The following SLC30A9 variants were observed in gnomAD, a reference collection of about 807,000 sequenced individuals.
The protein encoded by SLC30A9 is solute carrier family 30 member 9.
Under a neutral mutation model 87.5 loss-of-function variants are expected in SLC30A9, and 58 were observed. The observed-to-expected ratio is 0.66, with a 90% CI of 0.54 to 0.82. The LOEUF (loss-of-function observed/expected upper bound fraction) is 0.82, where lower values mean the gene tolerates loss of function less well. Among genes scored for constraint, SLC30A9 ranks in the 40% least tolerant of loss-of-function variants. SLC30A9 has a pLI of 0.00. For synonymous variants in SLC30A9, 234 were observed against 233.0 expected, an observed-to-expected ratio of 1.00 and a Z score of -0.04; for missense variants, 557 against 679.1, an observed-to-expected ratio of 0.82 and a Z score of 2.00.
rs1026034744 is a variant in SLC30A9 at position 42,035,413 on chromosome 4, A to G, written c.669+80A>G. Reference sequence around the variant, plus strand: ...TATCAGTCCATTGTAAAATTCTAGCATGTCTGTGATCTCAATCTAAGATTT... The same window carrying G: ...TATCAGTCCATTGTAAAATTCTAGCGTGTCTGTGATCTCAATCTAAGATTT... On this transcript the variant is annotated intron_variant, in intron 7 of 17. Coordinates refer to ENST00000264451, the MANE Select transcript of SLC30A9 (RefSeq NM_006345.4). The G allele has an allele frequency of 6.1e-6, 9 of 1,485,780 alleles. No homozygotes were observed. The South Asian group carries it at 7.3e-5, about 12-fold the overall frequency. 92.0% of individuals were successfully genotyped at this position (1,485,780 alleles called of 1,614,324 possible).
Position 42,066,539 on chromosome 4 carries a change from T to C in SLC30A9, c.1073-11T>C. 1 of 1,588,656 alleles carries C rather than the reference T, an allele frequency of 6.3e-7. No homozygotes were observed. Among genetic ancestry groups the C allele is most frequent in the Non-Finnish European group, 8.6e-7 (1 of 1,163,418 alleles). On this transcript the variant is annotated splice_polypyrimidine_tract_variant and intron_variant, in intron 12 of 17. Coordinates refer to ENST00000264451, the MANE Select transcript of SLC30A9 (RefSeq NM_006345.4). ...GTTTCTGTCTTGCTGATATGAATGC[T>C]TTTCTTTTAGCAACACTTCTTGTTG... is the stretch of plus-strand genomic sequence containing the variant.
At chr4:42,044,386 C>CAAAAAAAAAAAAAAAA (rs57572080) in intron 8 of SLC30A9, among the ~76,000 whole-genome samples, 18 of 98,706 alleles carry the variant, frequency 1.8e-4, no homozygotes, top group African/African-American at 7.5e-4. Flanking sequence ...AAATGGAAAG[C>CAAAAAAAAAAAAAAAA]AAAAAAAAAA....
chr4:42,048,926 G>C lies in SLC30A9; in HGVS notation c.738-451G>C, dbSNP rs79834176. 6.4e-3 allele frequency among the ~76,000 whole-genome samples: 967 copies of C among 151,970 alleles called. 15 individuals carry two copies. Among genetic ancestry groups the C allele is most frequent in the African/African-American group, 0.022 (930 of 41,438 alleles). On this transcript the variant is annotated intron_variant, in intron 8 of 17. Transcript: ENST00000264451. ...TGTTACCTAAACAAAGTTTTTTAAGGCTAGGGATTCTTTTAATTGTACTTG... is the reference window on the plus strand; with the variant it reads ...TGTTACCTAAACAAAGTTTTTTAAGCCTAGGGATTCTTTTAATTGTACTTG...
chr4:42,078,325 A>AAAACGAAATCCTGAAGTTCGACAT lies in SLC30A9; in HGVS notation c.1662_1662+1insAAACGAAATCCTGAAGTTCGACAT (p.Arg561_His562insHisLysArgAsnProGluValArg). 7.2e-7 allele frequency: 1 copy of AAAACGAAATCCTGAAGTTCGACAT among 1,382,630 alleles called. No individual in the cohort carries two copies. Among genetic ancestry groups the AAAACGAAATCCTGAAGTTCGACAT allele is most frequent in the Non-Finnish European group, 1.0e-6 (1 of 983,806 alleles). 85.6% of individuals were successfully genotyped at this position (1,382,630 alleles called of 1,614,324 possible). A position where few individuals can be genotyped will look rare whatever the true frequency, so the allele number is the denominator to read the frequency against. On this transcript the variant is annotated inframe_insertion and splice_region_variant. Transcript: ENST00000264451. ...TAGATAGACTTGAGAAGGAACTGAA[A>AAAACGAAATCCTGAAGTTCGACAT]GTAAGATGTATTCATAAAAATAACA...
At chr4:41,999,330 T>C (rs1268553580) in intron 1 of SLC30A9, among the ~76,000 whole-genome samples, 1 of 152,216 alleles carries the variant, frequency 6.6e-6, no homozygotes, top group East Asian at 1.9e-4. Context: ...TGTAGAAATA[T>C]TCTGAGTAGT....
chr4:42,029,313 C>A (rs1716321102), intron 6 of SLC30A9: 3 of 506,832 alleles, frequency 5.9e-6, no homozygotes, highest in South Asian at 3.2e-5. Flanking sequence ...GGTTTAAGAT[C>A]ATTCTATTCT....
At chr4:42,003,277 G>GA (rs1715062325) in intron 2 of SLC30A9, among the ~76,000 whole-genome samples, 1 of 152,134 alleles carries the variant, frequency 6.6e-6, no homozygotes, top group Non-Finnish European at 1.5e-5. Flanking sequence ...TCCTGTGCTT[G>GA]AAAATAATGT....
chr4:42,076,208 T>A (rs2153141081), intron 16 of SLC30A9, among the ~76,000 whole-genome samples: 1 of 152,224 alleles, frequency 6.6e-6, no homozygotes, highest in African/African-American at 2.4e-5. Flanking sequence ...AAAAGAGAAT[T>A]TATAAAACAG....
At position 42,087,130 on chromosome 4, in the gene SLC30A9, T is replaced by C. The variant is rs1453864132; in HGVS notation, c.*1004T>C. ...CTCATGGTCATGATTTTGTATAATA[T>C]AGTTCATACTGTGTCTGTGAGTTTC... On this transcript the variant is annotated 3_prime_UTR_variant, in exon 18 of 18. Transcript: ENST00000264451. 2 of 152,302 alleles carry C rather than the reference T, an allele frequency of 1.3e-5. No individual in the cohort carries two copies. Among genetic ancestry groups the C allele is most frequent in the Middle Eastern group, 3.4e-3 (1 of 294 alleles). The allele number at this position is 152,302 out of a possible 1,614,324, so 9.4% of individuals were successfully genotyped here.
chr4:42,012,084 A>T (rs2153134237), intron 2 of SLC30A9, among the ~76,000 whole-genome samples: 1 of 152,326 alleles, frequency 6.6e-6, no homozygotes, highest in East Asian at 1.9e-4. Context: ...AATTTGAGAA[A>T]AACAGGACTT....
intron 17 of SLC30A9, among the ~76,000 whole-genome samples, chr4:42,079,035 G>A (rs577624006): frequency 5.3e-5 from 8 of 151,998 alleles, no homozygotes; most frequent in Admixed American, 1.3e-4. Context: ...CTGGATATCC[G>A]ATTAGATTAA....
intron 11 of SLC30A9, among the ~76,000 whole-genome samples, chr4:42,064,583 A>C (rs1718007731): frequency 6.6e-6 from 1 of 152,174 alleles, no homozygotes; most frequent in Non-Finnish European, 1.5e-5. Flanking sequence ...CTTTATGGGT[A>C]CTTCATTGTT....
At chr4:42,030,840 T>C (rs971961985) in intron 6 of SLC30A9, among the ~76,000 whole-genome samples, 3 of 152,222 alleles carry the variant, frequency 2.0e-5, no homozygotes, top group African/African-American at 7.2e-5. Context: ...TCCTCTAGTA[T>C]GTTCTAAAGC....
At chr4:42,067,409 A>C (rs781130900) in intron 14 of SLC30A9, among the ~76,000 whole-genome samples, 3 of 152,210 alleles carry the variant, frequency 2.0e-5, no homozygotes, top group African/African-American at 7.2e-5. Flanking sequence ...AAGGAAGGCT[A>C]TTTGTAAAGG....
rs547271502 is a variant in SLC30A9, at chr4:42,003,724, A to G, written c.274+1944A>G. Among the ~76,000 whole-genome samples, 11 of 151,624 alleles carry G rather than the reference A, an allele frequency of 7.3e-5. No individual in the cohort carries two copies. In the South Asian group the frequency reaches 1.0e-3, roughly 14 times the overall value. ...TTAAACATATTTCTACCATTTTATCATGTTTCCTTGTCCTGTTTTCTTAAA... is the reference window on the plus strand; with the variant it reads ...TTAAACATATTTCTACCATTTTATCGTGTTTCCTTGTCCTGTTTTCTTAAA... On this transcript the variant is annotated intron_variant, in intron 2 of 17. Transcript: ENST00000264451.
intron 17 of SLC30A9, among the ~76,000 whole-genome samples, chr4:42,083,498 C>A (rs1394484755): frequency 6.6e-6 from 1 of 152,084 alleles, no homozygotes; most frequent in African/African-American, 2.4e-5. Context: ...CATATTTATT[C>A]ATTCAGCATA....
intron 7 of SLC30A9, among the ~76,000 whole-genome samples, chr4:42,035,671 T>C (rs1716649092): frequency 6.6e-6 from 1 of 152,056 alleles, no homozygotes; most frequent in African/African-American, 2.4e-5. Flanking sequence ...AATTTTTGTG[T>C]TTTTAGTAGA....
intron 17 of SLC30A9, 29 bp downstream of exon 17, chr4:42,078,354 T>G: frequency 5.2e-6 from 6 of 1,156,508 alleles, no homozygotes; most frequent in Non-Finnish European, 7.7e-6. Context: ...AATAACATAA[T>G]GATAATGGCA....
intron 9 of SLC30A9, among the ~76,000 whole-genome samples, chr4:42,055,643 A>G (rs1371736646): frequency 1.3e-5 from 2 of 152,228 alleles, no homozygotes; most frequent in African/African-American, 4.8e-5. Flanking sequence ...TCTGTTAAAT[A>G]TTGCACATCG....
Sources: gnomAD v4.1 joint callset for allele counts (sites outside exome capture counted in the v4.1 genomes callset) on GRCh38, gnomAD v4.1.1 for gene constraint, MANE v1.5 for transcripts, NCBI Gene and HGNC (gene_info 2026-07-23, HGNC 2026-07-21) for gene names.